The following FGGY variants were observed in gnomAD, a reference collection of about 807,000 sequenced individuals.
FGGY encodes the protein FGGY carbohydrate kinase domain-containing protein.
In FGGY, 72 loss-of-function variants were observed where a neutral mutation model predicts 71.3. That is an observed-to-expected ratio of 1.01 (90% confidence interval 0.84 to 1.23). The LOEUF is 1.23. FGGY is among the 50% of genes most tolerant of loss of function. The pLI, the probability that FGGY is intolerant of heterozygous loss-of-function variation, is 0.00. For missense variants in FGGY, 668 were observed against 682.3 expected (o/e 0.98, Z 0.23); for synonymous variants, 251 against 250.3 (o/e 1.00, Z -0.02).
chr1:59,447,764 T>A (rs766980596), intron 5 of FGGY, among the ~76,000 whole-genome samples: 8 of 152,210 alleles, frequency 5.3e-5, no homozygotes, highest in Non-Finnish European at 7.3e-5. Context: ...CATGATGGTG[T>A]GGCCTCCCCA....
intron 7 of FGGY, among the ~76,000 whole-genome samples, chr1:59,536,606 C>T (rs1456636160): frequency 7.9e-5 from 12 of 152,124 alleles, no homozygotes; most frequent in Admixed American, 6.6e-4. Context: ...CCGAATCCAG[C>T]AGCACATCAA....
intron 5 of FGGY, among the ~76,000 whole-genome samples, chr1:59,451,436 G>C (rs1312963902): frequency 6.6e-6 from 1 of 150,688 alleles, no homozygotes. Flanking sequence ...CAATATTACA[G>C]ATTCCTGCTT....
intron 6 of FGGY, among the ~76,000 whole-genome samples, chr1:59,491,100 T>C (rs1170793211): frequency 8.7e-5 from 4 of 46,102 alleles, no homozygotes; most frequent in Non-Finnish European, 3.9e-5. Flanking sequence ...CCTTCCTTCC[T>C]TCCTTCCCTC....
intron 6 of FGGY, among the ~76,000 whole-genome samples, chr1:59,485,536 C>T (rs534333871): frequency 3.0e-4 from 45 of 152,300 alleles, no homozygotes; most frequent in Non-Finnish European, 5.3e-4. Context: ...CTTGGATTCA[C>T]TACCTCTGGA....
At chr1:59,757,417 G>A (rs1029556846) in intron 14 of FGGY, among the ~76,000 whole-genome samples, 21 of 152,204 alleles carry the variant, frequency 1.4e-4, no homozygotes, top group African/African-American at 5.1e-4. Flanking sequence ...GTCTCAGTAT[G>A]TACTCACAAC....
intron 8 of FGGY, among the ~76,000 whole-genome samples, chr1:59,590,094 G>A (rs2096399979): frequency 6.6e-6 from 1 of 152,132 alleles, no homozygotes; most frequent in South Asian, 2.1e-4. Flanking sequence ...AATAAAAAAT[G>A]ATAAAGGGAA....
At chr1:59,582,964 G>GGATCCAAAGGAGCTA (rs1553309522) in intron 8 of FGGY, among the ~76,000 whole-genome samples, 1 of 145,446 alleles carries the variant, frequency 6.9e-6, no homozygotes, top group African/African-American at 2.7e-5. Context: ...ATCCAAAGGA[G>GGATCCAAAGGAGCTA]TTTACCATTT....
intron 5 of FGGY, among the ~76,000 whole-genome samples, chr1:59,432,487 T>G (rs2067579294): frequency 6.6e-6 from 1 of 152,174 alleles, no homozygotes; most frequent in Admixed American, 6.5e-5. Flanking sequence ...GGTAGTTAGT[T>G]TAGAATTGAA....
At chr1:59,337,048 C>CAT (rs35698016) in intron 2 of FGGY, among the ~76,000 whole-genome samples, 8,784 of 141,938 alleles carry the variant, frequency 0.062, 447 homozygotes, top group African/African-American at 0.14. Flanking sequence ...TGTATATAGT[C>CAT]ATATATATAT....
intron 6 of FGGY, among the ~76,000 whole-genome samples, chr1:59,474,705 G>A (rs2093171815): frequency 6.6e-6 from 1 of 152,184 alleles, no homozygotes; most frequent in Admixed American, 6.5e-5. Flanking sequence ...GAGACCTTTG[G>A]ATCTAGGAAC....
intron 6 of FGGY, among the ~76,000 whole-genome samples, chr1:59,502,322 C>G (rs1330646752): frequency 6.6e-6 from 1 of 152,142 alleles, no homozygotes; most frequent in Admixed American, 6.6e-5. Context: ...TTATGTAGAG[C>G]AGAATGATGT....
chr1:59,754,210 C>G (rs2098270993), intron 14 of FGGY, among the ~76,000 whole-genome samples: 1 of 152,206 alleles, frequency 6.6e-6, no homozygotes, highest in Non-Finnish European at 1.5e-5. Context: ...CTCTCTTAGC[C>G]TTATAGGTGT....
intron 9 of FGGY, among the ~76,000 whole-genome samples, chr1:59,612,595 G>A (rs1321786852): frequency 2.6e-5 from 4 of 152,188 alleles, no homozygotes; most frequent in Admixed American, 2.6e-4. Context: ...CAACTAACAG[G>A]CAAAATAACC....
intron 9 of FGGY, among the ~76,000 whole-genome samples, chr1:59,611,412 T>A (rs867068418): frequency 3.2e-4 from 48 of 151,822 alleles, no homozygotes; most frequent in African/African-American, 1.1e-3. Flanking sequence ...ACGCCAGCAA[T>A]CTCCAACAGA....
At chr1:59,485,162 C>A (rs1303990356) in intron 6 of FGGY, among the ~76,000 whole-genome samples, 2 of 152,192 alleles carry the variant, frequency 1.3e-5, no homozygotes, top group Admixed American at 6.5e-5. Flanking sequence ...TAGCTAGTGG[C>A]ATGTTACCAG....
chr1:59,540,206 A>C (rs11207470), intron 7 of FGGY, among the ~76,000 whole-genome samples: 30,070 of 152,172 alleles, frequency 0.2, 3,995 homozygotes, highest in African/African-American at 0.37. Flanking sequence ...TGGCAGTATC[A>C]TGATAGGCTA....
intron 8 of FGGY, among the ~76,000 whole-genome samples, chr1:59,584,238 AT>A (rs1450394737): frequency 6.7e-6 from 1 of 149,694 alleles, no homozygotes; most frequent in Non-Finnish European, 1.5e-5. Context: ...TTAGACCAAT[AT>A]CCCTGATGAA....
intron 10 of FGGY, among the ~76,000 whole-genome samples, chr1:59,636,875 T>C (rs990019438): frequency 6.6e-6 from 1 of 152,230 alleles, no homozygotes; most frequent in Non-Finnish European, 1.5e-5. Flanking sequence ...GTATCTTAGA[T>C]ATTAACCTCC....
chr1:59,407,780 A>G (rs2062986029), intron 5 of FGGY, among the ~76,000 whole-genome samples: 2 of 152,144 alleles, frequency 1.3e-5, no homozygotes, highest in Admixed American at 1.3e-4. Context: ...TCCTCAAGCC[A>G]TGGCTGCACC....
Sources: allele counts gnomAD v4.1 joint callset (sites outside exome capture counted in the v4.1 genomes callset), GRCh38; gene constraint gnomAD v4.1.1; transcripts MANE v1.5; gene names NCBI Gene and HGNC (gene_info 2026-07-23, HGNC 2026-07-21).